ANKS1B: variants seen among roughly 807,000 people sequenced by gnomAD.
ANKS1B encodes ankyrin repeat and sterile alpha motif domain containing 1B.
Under a neutral mutation model 148.3 loss-of-function variants are expected in ANKS1B, and 36 were observed. That is an observed-to-expected ratio of 0.24 (90% CI 0.19 to 0.32). The LOEUF (loss-of-function observed/expected upper bound fraction) is 0.32, where lower values mean the gene tolerates loss of function less well. Among genes scored for constraint, ANKS1B ranks in the 10% least tolerant of loss-of-function variants. The pLI, the probability that ANKS1B is intolerant of heterozygous loss-of-function variation, is 1.00. For synonymous variants in ANKS1B, 542 were observed against 560.8 expected (o/e 0.97, Z 0.47); for missense variants, 1,157 against 1,542.6 (o/e 0.75, Z 4.19).
intron 17 of ANKS1B, among the ~76,000 whole-genome samples, chr12:98,971,628 G>A (rs12312113): frequency 6.6e-6 from 1 of 152,130 alleles, no homozygotes; most frequent in Non-Finnish European, 1.5e-5. Flanking sequence ...CAAATGAAGG[G>A]CTGTGTGTCT....
Position 99,191,862 on chromosome 12 carries a change from G to A in ANKS1B, c.2420-37467C>T, listed in dbSNP as rs527863806. ...TATAATAAAAGAATTGGCTGGGTGCGGTGGCTCATGCCTGTAATCCCAGCA... is the reference window on the plus strand; with the variant it reads ...TATAATAAAAGAATTGGCTGGGTGCAGTGGCTCATGCCTGTAATCCCAGCA... On this transcript the variant is annotated intron_variant, in intron 14 of 26. Coordinates refer to ENST00000683438, the MANE Select transcript of ANKS1B (RefSeq NM_001352186.2). Among the ~76,000 whole-genome samples the A allele has an allele frequency of 1.6e-3, 247 of 152,016 alleles. 3 individuals carry two copies. The highest frequency in any genetic ancestry group is 5.7e-3 in the African/African-American group (236 of 41,500).
At chr12:99,118,188 G>T (rs2061866289) in intron 15 of ANKS1B, among the ~76,000 whole-genome samples, 1 of 152,166 alleles carries the variant, frequency 6.6e-6, no homozygotes, top group African/African-American at 2.4e-5. Context: ...ATTCTAGAAA[G>T]AGTTAAATTT....
At chr12:99,713,244 A>T (rs1378224761) in intron 8 of ANKS1B, among the ~76,000 whole-genome samples, 1 of 152,114 alleles carries the variant, frequency 6.6e-6, no homozygotes, top group African/African-American at 2.4e-5. Context: ...TAAAATACTG[A>T]CCTTATCTAA....
In ANKS1B at chr12:99,728,054, A is replaced by T. The variant is rs548786413; in HGVS notation, c.1128+44868T>A. On this transcript the variant is annotated intron_variant, in intron 8 of 26. Transcript: ENST00000683438. ...CCTAGACGAAAACTTAGGCAATACC[A>T]TTCAGGACATAGGCATGGGCAAAGA... Among the ~76,000 whole-genome samples the T allele has an allele frequency of 2.0e-5, 3 of 152,312 alleles. No homozygotes were observed. The South Asian group carries it at 6.2e-4, about 32-fold the overall frequency.
At chr12:98,865,151 TAGTC>T (rs1275391061) in intron 17 of ANKS1B, among the ~76,000 whole-genome samples, 1 of 152,162 alleles carries the variant, frequency 6.6e-6, no homozygotes, top group Non-Finnish European at 1.5e-5. Flanking sequence ...TCATGGTCCT[TAGTC>T]AGCCCCTACT....
chr12:99,961,043 C>T lies in ANKS1B; in HGVS notation c.134+23061G>A, dbSNP rs1034738954. 7.9e-5 allele frequency among the ~76,000 whole-genome samples: 12 copies of T among 152,118 alleles called. 1 individual carries two copies. Among genetic ancestry groups the T allele is most frequent in the African/African-American group, 2.7e-4 (11 of 41,414 alleles). On this transcript the variant is annotated intron_variant, in intron 1 of 26. Coordinates refer to ENST00000683438, the MANE Select transcript of ANKS1B (RefSeq NM_001352186.2). ...AGGAATTCAAGACCAGCCCGGCCAA[C>T]ATGGTGAAACTCCATCTCTACTAAA... is the stretch of plus-strand genomic sequence containing the variant.
At chr12:99,611,900 C>G (rs2097905550) in intron 9 of ANKS1B, among the ~76,000 whole-genome samples, 1 of 152,040 alleles carries the variant, frequency 6.6e-6, no homozygotes, top group African/African-American at 2.4e-5. Context: ...CATTTTATAA[C>G]TCCTCCATTA....
intron 15 of ANKS1B, among the ~76,000 whole-genome samples, chr12:99,148,718 A>C (rs957784575): frequency 1.3e-5 from 2 of 152,172 alleles, no homozygotes; most frequent in Admixed American, 6.6e-5. Context: ...GTTCTATCTC[A>C]CACCACTGTA....
In ANKS1B at chr12:99,806,404, T is replaced by G. The variant is rs547420928; in HGVS notation, c.669A>C (p.Gln223His). Residue 223 changes from glutamine (Q) to histidine (H), a missense_variant and splice_region_variant, in exon 4 of 27, where the codon CAA (glutamine) becomes CAC (histidine). Physicochemically the swap from Gln to His is conservative, Grantham distance 24. Around this residue, in one of 6 missense-constraint regions of ANKS1B, gnomAD observed 26 missense variants for 83.4 expected, o/e 0.31. Transcript: ENST00000683438. ...AAAGCATAGCTAAAAGCACACTCAC[T>G]TGACAGCTCACATCCATTCCTGCCT... is the stretch of plus-strand genomic sequence containing the variant. The part of the protein sequence containing the change: ...LLEAGMDVSC[Q>H]TEKGSALHEA... 11 of 1,613,558 alleles carry G rather than the reference T, an allele frequency of 6.8e-6. No individual in the cohort carries two copies. In the East Asian group the frequency reaches 2.5e-4, roughly 36 times the overall value.
chr12:99,768,471 G>C (rs2062858056), intron 8 of ANKS1B, among the ~76,000 whole-genome samples: 1 of 152,102 alleles, frequency 6.6e-6, no homozygotes, highest in African/African-American at 2.4e-5. Flanking sequence ...ATGGTATTAA[G>C]GAGGGGGTGT....
At chr12:99,157,471 T>G (rs939338030) in intron 14 of ANKS1B, among the ~76,000 whole-genome samples, 2 of 152,162 alleles carry the variant, frequency 1.3e-5, no homozygotes, top group Non-Finnish European at 2.9e-5. Flanking sequence ...ACGATACACA[T>G]CCTGCTTATT....
intron 17 of ANKS1B, among the ~76,000 whole-genome samples, chr12:98,851,299 G>C (rs2099524050): frequency 6.6e-6 from 1 of 152,196 alleles, no homozygotes; most frequent in Non-Finnish European, 1.5e-5. Flanking sequence ...GTTCAGAGTG[G>C]TGTGAAAAGT....
chr12:99,002,005 A>G (rs1180747662), intron 17 of ANKS1B, among the ~76,000 whole-genome samples: 2 of 152,180 alleles, frequency 1.3e-5, no homozygotes, highest in East Asian at 3.8e-4. Flanking sequence ...AAGACTGAAT[A>G]AGATTTTCTT....
intron 9 of ANKS1B, among the ~76,000 whole-genome samples, chr12:99,606,826 C>T (rs1419569287): frequency 1.3e-5 from 2 of 152,064 alleles, no homozygotes; most frequent in African/African-American, 2.4e-5. Context: ...ATCATCTTAT[C>T]TTTTTGTTCT....
At chr12:98,780,634 A>G (rs573727274) in intron 24 of ANKS1B, among the ~76,000 whole-genome samples, 3 of 152,216 alleles carry the variant, frequency 2.0e-5, no homozygotes, top group Non-Finnish European at 2.9e-5. Context: ...TTATAAAATT[A>G]AAAAGTCAGA....
intron 9 of ANKS1B, among the ~76,000 whole-genome samples, chr12:99,593,397 A>G (rs937226500): frequency 6.6e-6 from 1 of 152,134 alleles, no homozygotes; most frequent in African/African-American, 2.4e-5. Flanking sequence ...CTATTGAAAA[A>G]AGTTTGAAAT....
chr12:99,429,345 C>T (rs1457850994), intron 11 of ANKS1B, among the ~76,000 whole-genome samples: 3 of 152,060 alleles, frequency 2.0e-5, no homozygotes, highest in Admixed American at 2.0e-4. Flanking sequence ...AGATACATAC[C>T]CTGAATCTAA....
chr12:99,340,883 A>G (rs2089799145), intron 12 of ANKS1B, among the ~76,000 whole-genome samples: 1 of 152,158 alleles, frequency 6.6e-6, no homozygotes, highest in Non-Finnish European at 1.5e-5. Flanking sequence ...AGATAAGCAT[A>G]AAGGAAAGAA....
intron 1 of ANKS1B, among the ~76,000 whole-genome samples, chr12:99,911,242 T>C (rs1024907172): frequency 6.6e-6 from 1 of 152,142 alleles, no homozygotes; most frequent in Admixed American, 6.5e-5. Context: ...AAAAGAATCT[T>C]ACATTACTTT....
Sources: gnomAD v4.1 joint callset for allele counts (sites outside exome capture counted in the v4.1 genomes callset) on GRCh38, gnomAD v4.1.1 for gene constraint, gnomAD v4.1.1 regional missense constraint, MANE v1.5 for transcripts, NCBI Gene and HGNC (gene_info 2026-07-23, HGNC 2026-07-21) for gene names.